The following PCDH15 variants were observed in gnomAD, a reference collection of about 807,000 sequenced individuals.
PCDH15 encodes protocadherin-15.
PCDH15 carries 129 observed loss-of-function variants against 178.5 expected under a neutral mutation model. The observed-to-expected ratio is 0.72, with a 90% CI of 0.63 to 0.84. The LOEUF is 0.84. PCDH15 is among the 40% of genes least tolerant of loss of function. The pLI is 0.00. For synonymous variants in PCDH15, 800 were observed against 732.0 expected (o/e 1.09, Z -1.50); for missense variants, 2,230 against 2,099.9 (o/e 1.06, Z -1.21).
chr10:55,552,599 A>G (rs1842022574), intron 2 of PCDH15, among the ~76,000 whole-genome samples: 1 of 151,426 alleles, frequency 6.6e-6, no homozygotes, highest in South Asian at 2.1e-4. Flanking sequence ...TTAGCACTTC[A>G]TAATTTGAAA....
At chr10:55,049,915 A>G (rs1841114783) in intron 2 of PCDH15, among the ~76,000 whole-genome samples, 1 of 152,074 alleles carries the variant, frequency 6.6e-6, no homozygotes, top group African/African-American at 2.4e-5. Flanking sequence ...GCACTGAAAC[A>G]GAGTTTTAAA....
rs573654882 is a variant in PCDH15 at position 54,534,776 on chromosome 10, G to A, written c.92-6899C>T. On this transcript the variant is annotated intron_variant, in intron 2 of 37. Transcript: ENST00000644397. ...TTTGCATGTCACAAGCAGCAGGAGA[G>A]GGACTTTTCTCATTTTTCCTGTTGA... Among the ~76,000 whole-genome samples the A allele has an allele frequency of 6.6e-5, 10 of 152,240 alleles. No individual in the cohort carries two copies. In the South Asian group the frequency reaches 2.1e-3, roughly 32 times the overall value.
intron 3 of PCDH15, among the ~76,000 whole-genome samples, chr10:54,506,687 A>G (rs891130965): frequency 2.6e-5 from 4 of 152,042 alleles, no homozygotes; most frequent in African/African-American, 9.7e-5. Context: ...TGCCTACAAA[A>G]ACTGGACTGA....
chr10:53,846,012 G>A (rs1393120974), intron 28 of PCDH15, among the ~76,000 whole-genome samples: 1 of 123,054 alleles, frequency 8.1e-6, no homozygotes. Context: ...TATATCAATA[G>A]TGTATGTGTA....
chr10:53,952,949 T>C (rs975395049), intron 23 of PCDH15, among the ~76,000 whole-genome samples: 9 of 152,192 alleles, frequency 5.9e-5, no homozygotes, highest in African/African-American at 1.9e-4. Flanking sequence ...AGGCCAGGCA[T>C]TGGGAGAACA....
chr10:55,499,805 AATT>A (rs1840615973), intron 2 of PCDH15, among the ~76,000 whole-genome samples: 2 of 151,752 alleles, frequency 1.3e-5, no homozygotes, highest in African/African-American at 2.4e-5. Flanking sequence ...AAATTAATAA[AATT>A]ATATTTATTT....
chr10:53,862,884 T>A (rs1233570027), intron 27 of PCDH15, among the ~76,000 whole-genome samples: 2 of 152,174 alleles, frequency 1.3e-5, no homozygotes, highest in Non-Finnish European at 2.9e-5. Flanking sequence ...CGTTGATAGG[T>A]TAGCTAGCTG....
At chr10:54,509,167 G>C (rs1272237629) in intron 3 of PCDH15, among the ~76,000 whole-genome samples, 1 of 152,000 alleles carries the variant, frequency 6.6e-6, no homozygotes, top group Non-Finnish European at 1.5e-5. Flanking sequence ...TCTAGAGTTT[G>C]ATATGGTTTC....
intron 2 of PCDH15, among the ~76,000 whole-genome samples, chr10:54,600,939 A>G (rs2092495463): frequency 6.6e-6 from 1 of 151,974 alleles, no homozygotes; most frequent in Admixed American, 6.6e-5. Context: ...AGAAGGGGAG[A>G]TGTCTTGAGA....
intron 2 of PCDH15, among the ~76,000 whole-genome samples, chr10:55,419,140 T>G (rs2132043189): frequency 6.6e-6 from 1 of 151,780 alleles, no homozygotes; most frequent in African/African-American, 2.4e-5. Context: ...ACAATACAGC[T>G]GTAAGGCATG....
At chr10:55,492,276 C>A (rs1840435900) in intron 2 of PCDH15, among the ~76,000 whole-genome samples, 5 of 151,656 alleles carry the variant, frequency 3.3e-5, no homozygotes, top group Admixed American at 3.3e-4. Context: ...ACAGCCTTTT[C>A]TCCTCAAATC....
At chr10:54,719,157 G>C (rs1002306559) in intron 1 of PCDH15, among the ~76,000 whole-genome samples, 1 of 147,414 alleles carries the variant, frequency 6.8e-6, no homozygotes, top group African/African-American at 2.5e-5. Flanking sequence ...AAAAAGGGTA[G>C]ATATCATTAA....
At chr10:54,819,292 G>A (rs1952999388) in intron 3 of PCDH15, among the ~76,000 whole-genome samples, 1 of 151,970 alleles carries the variant, frequency 6.6e-6, no homozygotes, top group African/African-American at 2.4e-5. Flanking sequence ...TTTAATTAGT[G>A]TATCTAATAT....
intron 1 of PCDH15, among the ~76,000 whole-genome samples, chr10:55,296,547 A>G (rs1031165229): frequency 4.6e-5 from 7 of 152,200 alleles, no homozygotes; most frequent in African/African-American, 1.2e-4. Flanking sequence ...ACCAAGTATT[A>G]TAACAAAAGA....
chr10:55,587,396 A>G lies in PCDH15; in HGVS notation c.-156+40229T>C, dbSNP rs1176846894. Among the ~76,000 whole-genome samples, 3 of 144,784 alleles carry G rather than the reference A, an allele frequency of 2.1e-5. No individual in the cohort carries two copies. In the South Asian group the frequency reaches 6.7e-4, roughly 32 times the overall value. 95.0% of individuals were successfully genotyped at this position (144,784 alleles called of 152,430 possible). On this transcript the variant is annotated intron_variant, in intron 2 of 5. Coordinates refer to the PCDH15 transcript ENST00000613346. ...TGGGTTCAAATTTGCTGTGTTCAGT[A>G]TTATTAGTAAGAAAAGTAGGCACTG...
intron 1 of PCDH15, among the ~76,000 whole-genome samples, chr10:54,696,858 T>C (rs1296572231): frequency 6.6e-6 from 1 of 152,138 alleles, no homozygotes. Flanking sequence ...GTTAAGTCAT[T>C]GCAGGGATGG....
intron 2 of PCDH15, among the ~76,000 whole-genome samples, chr10:54,532,530 C>T (rs1289682142): frequency 1.3e-5 from 2 of 152,166 alleles, no homozygotes; most frequent in Admixed American, 1.3e-4. Flanking sequence ...TTCTATTCCT[C>T]ACGGTTGTGT....
chr10:54,886,991 T>C (rs1029332101), intron 3 of PCDH15, among the ~76,000 whole-genome samples: 10 of 152,240 alleles, frequency 6.6e-5, no homozygotes, highest in African/African-American at 2.4e-4. Flanking sequence ...AGATGTTCTT[T>C]TTATTGCATG....
rs372280680 is a variant in PCDH15 at position 54,346,381 on chromosome 10, T to C, written c.578A>G (p.Tyr193Cys). The change falls in exon 6 of 38, where the codon TAT (tyrosine) becomes TGT (cysteine). Residue 193 changes from tyrosine (Y) to cysteine (C), a missense_variant. Transcript: ENST00000644397. ...PNGQIEYVIQYNPDDPTSNDT... is the reference protein window; with the variant it reads ...PNGQIEYVIQCNPDDPTSNDT... ...TTTACATACCGGATCATCTGGATTA[T>C]ACTGAATAACATACTCTATCTGTCC... The C allele has an allele frequency of 6.8e-6, 11 of 1,613,298 alleles. No individual in the cohort carries two copies. The highest frequency in any genetic ancestry group is 1.1e-5 in the South Asian group (1 of 91,068).
Sources: allele counts gnomAD v4.1 joint callset (sites outside exome capture counted in the v4.1 genomes callset), GRCh38; gene constraint gnomAD v4.1.1; transcripts MANE v1.5; gene names NCBI Gene and HGNC (gene_info 2026-07-23, HGNC 2026-07-21).